Variants in COL5A2 observed in about 807,000 individuals in gnomAD.
COL5A2 encodes collagen alpha-2(V) chain.
A neutral mutation model predicts 208.2 loss-of-function variants in COL5A2; 23 were observed. That is an observed-to-expected ratio of 0.11 (90% confidence interval 0.08 to 0.16). COL5A2 has a LOEUF of 0.16. Ranked by LOEUF, COL5A2 falls within the 10% of genes least tolerant of loss-of-function variation. The pLI is 1.00. For synonymous variants in COL5A2, 625 were observed against 628.5 expected (o/e 0.99, Z 0.08); for missense variants, 1,590 against 1,956.4 (o/e 0.81, Z 3.53).
chr2:189,079,896 G>T, intron 14 of COL5A2, 82 bp downstream of exon 14: 1 of 1,147,200 alleles, frequency 8.7e-7, no homozygotes, highest in Non-Finnish European at 1.3e-6. Context: ...GCTGAATTAA[G>T]GTGGTTCTGA....
chr2:189,266,252 CCT>C, the COL5A2 span, among the ~76,000 whole-genome samples: 1 of 151,910 alleles, frequency 6.6e-6, no homozygotes, highest in Non-Finnish European at 1.5e-5. Context: ...ATGGTGAACC[CCT>C]GTCTCTACTA....
the COL5A2 span, among the ~76,000 whole-genome samples, chr2:189,369,705 T>A: frequency 2.6e-5 from 4 of 152,208 alleles, no homozygotes; most frequent in African/African-American, 9.6e-5. Flanking sequence ...GAGTCATTTC[T>A]AAGAAAATTA....
chr2:189,201,361 C>G (rs1200359430), intron 1 of COL5A2, among the ~76,000 whole-genome samples: 1 of 151,668 alleles, frequency 6.6e-6, no homozygotes, highest in Non-Finnish European at 1.5e-5. Flanking sequence ...GCAGACTTAA[C>G]ATATTTAAAG....
At chr2:189,304,122 C>A in the COL5A2 span, among the ~76,000 whole-genome samples, 4 of 152,020 alleles carry the variant, frequency 2.6e-5, no homozygotes, top group African/African-American at 7.2e-5. Context: ...CATTGCCTTT[C>A]TAATTAAGTT....
chr2:189,198,235 T>C (rs1689031046), intron 1 of COL5A2, among the ~76,000 whole-genome samples: 1 of 152,204 alleles, frequency 6.6e-6, no homozygotes, highest in Non-Finnish European at 1.5e-5. Flanking sequence ...ATGTTAACTT[T>C]ATATAATAAA....
the COL5A2 span, among the ~76,000 whole-genome samples, chr2:189,437,777 G>A: frequency 1.6e-4 from 25 of 152,174 alleles, no homozygotes; most frequent in Non-Finnish European, 2.5e-4. Context: ...AGAGCCCAAG[G>A]GCCTATCACT....
the COL5A2 span, among the ~76,000 whole-genome samples, chr2:189,344,331 C>T: frequency 6.6e-6 from 1 of 152,094 alleles, no homozygotes; most frequent in Non-Finnish European, 1.5e-5. Context: ...TCAAAAAACT[C>T]TCGGGTCAAA....
the COL5A2 span, among the ~76,000 whole-genome samples, chr2:189,298,699 A>G: frequency 6.6e-6 from 1 of 152,286 alleles, no homozygotes; most frequent in African/African-American, 2.4e-5. Flanking sequence ...TTCTGGTAGG[A>G]ACCTCCATTC....
chr2:189,104,925 T>C (rs1576529951), intron 2 of COL5A2, among the ~76,000 whole-genome samples: 2 of 151,856 alleles, frequency 1.3e-5, no homozygotes, highest in African/African-American at 4.8e-5. Flanking sequence ...TTTCTTAATT[T>C]TTTTATAAGA....
At chr2:189,149,964 G>A (rs1322620781) in intron 1 of COL5A2, among the ~76,000 whole-genome samples, 3 of 152,110 alleles carry the variant, frequency 2.0e-5, no homozygotes, top group African/African-American at 7.2e-5. Flanking sequence ...TGATATATGT[G>A]TCTTATGGCA....
the COL5A2 span, among the ~76,000 whole-genome samples, chr2:189,316,492 G>T: frequency 6.6e-6 from 1 of 151,812 alleles, no homozygotes; most frequent in African/African-American, 2.4e-5. Flanking sequence ...TGCATGTCCT[G>T]AAGGAAAAAA....
intron 16 of COL5A2, among the ~76,000 whole-genome samples, chr2:189,076,129 A>C (rs1686400447): frequency 6.6e-6 from 1 of 151,910 alleles, no homozygotes; most frequent in South Asian, 2.1e-4. Flanking sequence ...CCTCTGAAAA[A>C]CCCTGCTTTT....
Position 189,049,351 on chromosome 2 carries a change from G to T in COL5A2, c.3143C>A (p.Pro1048Gln), listed in dbSNP as rs1685734191. ...GSNGPVGEPG[P>Q]EGPAGNDGTP... ...TATTTTCACTGTAGTACTCACTTCT[G>T]GTCCAGGTTCCCCTACAGGACCATT... The change falls in exon 44 of 54, where the codon CCA becomes CAA. Residue 1048 changes from proline (P) to glutamine (Q), a missense_variant. By Grantham distance (76) the Pro-to-Gln change is moderately conservative. Transcript: ENST00000374866. 1 of 1,606,246 alleles carries T rather than the reference G, an allele frequency of 6.2e-7. No individual in the cohort carries two copies. Among genetic ancestry groups the T allele is most frequent in the Non-Finnish European group, 8.5e-7 (1 of 1,173,908 alleles).
intron 1 of COL5A2, among the ~76,000 whole-genome samples, chr2:189,163,493 C>A (rs1307780965): frequency 2.0e-5 from 3 of 152,136 alleles, no homozygotes; most frequent in African/African-American, 7.2e-5. Flanking sequence ...ATAACAGCAT[C>A]TAGGAACTTT....
At chr2:189,402,937 T>C in the COL5A2 span, among the ~76,000 whole-genome samples, 1 of 152,230 alleles carries the variant, frequency 6.6e-6, no homozygotes, top group African/African-American at 2.4e-5. Context: ...TTTTTTCTAA[T>C]TCTGTTAAGA....
At chr2:189,218,259 G>C (rs1264699611) in intron 1 of COL5A2, among the ~76,000 whole-genome samples, 7 of 152,226 alleles carry the variant, frequency 4.6e-5, no homozygotes, top group Middle Eastern at 3.4e-3. Context: ...TAGAAATAAG[G>C]CCTTTGCAAA....
chr2:189,330,250 G>C, the COL5A2 span, among the ~76,000 whole-genome samples: 2 of 152,142 alleles, frequency 1.3e-5, no homozygotes, highest in African/African-American at 2.4e-5. Context: ...GAAGAGAGCA[G>C]AGTAAAAAAT....
At chr2:189,434,366 A>G in the COL5A2 span, among the ~76,000 whole-genome samples, 3 of 152,154 alleles carry the variant, frequency 2.0e-5, no homozygotes, top group Admixed American at 2.0e-4. Context: ...AGGGTATTCA[A>G]TTAGGAAAAT....
chr2:189,091,644 A>G (rs1436962069), intron 7 of COL5A2, among the ~76,000 whole-genome samples: 3 of 152,300 alleles, frequency 2.0e-5, no homozygotes, highest in African/African-American at 7.2e-5. Context: ...GGAAAAACAT[A>G]AGTTTATATG....
Sources: gnomAD v4.1 joint callset for allele counts (sites outside exome capture counted in the v4.1 genomes callset) on GRCh38, gnomAD v4.1.1 for gene constraint, MANE v1.5 for transcripts, NCBI Gene and HGNC (gene_info 2026-07-23, HGNC 2026-07-21) for gene names.